The following PRIMA1 variants were observed in gnomAD, a reference collection of about 807,000 sequenced individuals.
PRIMA1 encodes proline rich membrane anchor 1.
Under a neutral mutation model 17.5 loss-of-function variants are expected in PRIMA1, and 7 were observed. The ratio of observed to expected loss-of-function variants is 0.40; its 90% confidence interval spans 0.23 to 0.75. The LOEUF is 0.75. PRIMA1 is among the 30% of genes least tolerant of loss of function. PRIMA1 has a pLI of 0.37. For synonymous variants in PRIMA1, 97 were observed against 77.9 expected (o/e 1.25, Z -1.29); for missense variants, 200 against 201.8 (o/e 0.99, Z 0.05).
At chr14:93,768,100 ATC>A (rs1166625460) in intron 3 of PRIMA1, among the ~76,000 whole-genome samples, 2 of 152,196 alleles carry the variant, frequency 1.3e-5, no homozygotes, top group Admixed American at 1.3e-4. Flanking sequence ...CAACAAAAAA[ATC>A]TCTTTTTAAA....
rs74076332 is a variant in PRIMA1 at position 93,748,669 on chromosome 14, T to C, written c.230-11299A>G. 2.1e-3 allele frequency among the ~76,000 whole-genome samples: 314 copies of C among 152,308 alleles called. 2 individuals carry two copies. The highest frequency in any genetic ancestry group is 7.3e-3 in the African/African-American group (302 of 41,564). ...CATCTATGGCTCCTTATCTGTAGCCTGTGCTCTGCGGGCCACTTGCTCCCC... is the reference window on the plus strand; with the variant it reads ...CATCTATGGCTCCTTATCTGTAGCCCGTGCTCTGCGGGCCACTTGCTCCCC... On this transcript the variant is annotated intron_variant, in intron 3 of 4. Coordinates refer to ENST00000393140, the MANE Select transcript of PRIMA1 (RefSeq NM_178013.4).
At chr14:93,749,766 G>A (rs540366473) in intron 3 of PRIMA1, among the ~76,000 whole-genome samples, 135 of 152,324 alleles carry the variant, frequency 8.9e-4, no homozygotes, top group African/African-American at 2.9e-3. Context: ...GATGAGGCTG[G>A]GTGCAGTGGC....
chr14:93,764,365 C>T (rs1884825456), intron 3 of PRIMA1, among the ~76,000 whole-genome samples: 1 of 150,632 alleles, frequency 6.6e-6, no homozygotes, highest in Non-Finnish European at 1.5e-5. Flanking sequence ...CCTGGTCGGA[C>T]ACCTCTCCTC....
At chr14:93,753,233 T>C (rs1595208162) in intron 3 of PRIMA1, among the ~76,000 whole-genome samples, 1 of 152,288 alleles carries the variant, frequency 6.6e-6, no homozygotes, top group East Asian at 1.9e-4. Context: ...ATTCTGAGAT[T>C]CCAAGCCAAC....
rs189076268 is a variant in PRIMA1, at chr14:93,719,066, G to A, written c.*2378C>T. 26 of 152,216 alleles carry A rather than the reference G, an allele frequency of 1.7e-4. No individual in the cohort carries two copies. In the East Asian group the frequency reaches 4.8e-3, roughly 28 times the overall value. The allele number at this position is 152,216 out of a possible 1,614,324, so 9.4% of individuals were successfully genotyped here. ...GAATGGGCGGTCTTGGGCTTGAGGT[G>A]GGGGGTGGATATTAAGTGAATCTTT... is the stretch of plus-strand genomic sequence containing the variant. On this transcript the variant is annotated 3_prime_UTR_variant, in exon 5 of 5. Coordinates refer to ENST00000393140, the MANE Select transcript of PRIMA1 (RefSeq NM_178013.4).
intron 3 of PRIMA1, among the ~76,000 whole-genome samples, chr14:93,758,071 C>T (rs866333682): frequency 1.3e-5 from 2 of 152,182 alleles, no homozygotes; most frequent in South Asian, 4.1e-4. Context: ...GCTGAAACCA[C>T]GCCCTGGCTC....
Position 93,779,198 on chromosome 14 carries a change from A to C in PRIMA1, c.207T>G (p.Pro69=). ...TACCTGGGGCGGAGAGGAGTCTGGGAGGTGGCGGGGGTGGGGGCGGCGGGG... is the reference window on the plus strand; with the variant it reads ...TACCTGGGGCGGAGAGGAGTCTGGGCGGTGGCGGGGGTGGGGGCGGCGGGG... ...PLPPPPPPPP[P]PRLLSAPAPN... The change falls in exon 3 of 5, where the codon CCT becomes CCG. Residue 69 remains proline (P), a synonymous_variant. Coordinates refer to ENST00000393140, the MANE Select transcript of PRIMA1 (RefSeq NM_178013.4). 2.0e-6 allele frequency: 1 copy of C among 507,268 alleles called. No individual in the cohort carries two copies. Among genetic ancestry groups the C allele is most frequent in the Non-Finnish European group, 2.4e-6 (1 of 421,908 alleles). The allele number at this position is 507,268 out of a possible 1,614,324, so 31.4% of individuals were successfully genotyped here.
At chr14:93,731,033 A>T (rs2076110721) in intron 4 of PRIMA1, among the ~76,000 whole-genome samples, 1 of 152,148 alleles carries the variant, frequency 6.6e-6, no homozygotes, top group African/African-American at 2.4e-5. Flanking sequence ...CCAGGACAAA[A>T]ATGGAACTGA....
At chr14:93,732,985 A>C (rs1464973913) in intron 4 of PRIMA1, among the ~76,000 whole-genome samples, 1 of 152,114 alleles carries the variant, frequency 6.6e-6, no homozygotes, top group African/African-American at 2.4e-5. Flanking sequence ...CCAGCACCCA[A>C]GGGCTCTGGG....
At chr14:93,737,194 T>G in intron 4 of PRIMA1, 47 bp downstream of exon 4, 1 of 1,606,638 alleles carries the variant, frequency 6.2e-7, no homozygotes, top group South Asian at 1.1e-5. Context: ...CAAGCCCAGC[T>G]GGGGTTCCCT....
intron 3 of PRIMA1, among the ~76,000 whole-genome samples, chr14:93,767,646 G>A (rs1387402879): frequency 1.3e-5 from 2 of 152,192 alleles, no homozygotes; most frequent in African/African-American, 2.4e-5. Flanking sequence ...GCCCAAAGGT[G>A]GAGACTTTTA....
At position 93,719,688 on chromosome 14, in the gene PRIMA1, G is replaced by A. The variant is rs764119563; in HGVS notation, c.*1756C>T. 2 of 152,494 alleles carry A rather than the reference G, an allele frequency of 1.3e-5. No homozygotes were observed. Among genetic ancestry groups the A allele is most frequent in the Non-Finnish European group, 2.9e-5 (2 of 68,284 alleles). 9.4% of individuals were successfully genotyped at this position (152,494 alleles called of 1,614,324 possible). A position where few individuals can be genotyped will look rare whatever the true frequency, so the allele number is the denominator to read the frequency against. ...ACACCCTCTGGCCTATTTGTCAGCT[G>A]GCTCCGCACCTCAAGAGCACTGTGA... is the stretch of plus-strand genomic sequence containing the variant. On this transcript the variant is annotated 3_prime_UTR_variant, in exon 5 of 5. Coordinates refer to ENST00000393140, the MANE Select transcript of PRIMA1 (RefSeq NM_178013.4).
intron 4 of PRIMA1, among the ~76,000 whole-genome samples, chr14:93,734,332 C>A (rs773071361): frequency 3.9e-5 from 6 of 152,176 alleles, no homozygotes; most frequent in Non-Finnish European, 7.3e-5. Flanking sequence ...TTGGGTTTGG[C>A]CAGTGTGAGG....
intron 3 of PRIMA1, among the ~76,000 whole-genome samples, chr14:93,765,591 T>C (rs908415556): frequency 2.2e-4 from 33 of 152,010 alleles, no homozygotes; most frequent in African/African-American, 7.5e-4. Context: ...GCAAAGCTCC[T>C]TTCTGAGGCC....
intron 3 of PRIMA1, among the ~76,000 whole-genome samples, chr14:93,772,176 G>A (rs1423687509): frequency 6.6e-6 from 1 of 152,210 alleles, no homozygotes; most frequent in East Asian, 1.9e-4. Context: ...AGTCCCATTT[G>A]TCTCTTTCTC....
intron 3 of PRIMA1, among the ~76,000 whole-genome samples, chr14:93,769,977 G>A (rs8021473): frequency 0.9 from 137,123 of 152,106 alleles, 62,490 homozygotes; most frequent in Non-Finnish European, 0.96. Context: ...AAGGAGAGGG[G>A]GCGCCAAGTG....
chr14:93,782,466 T>TC, intron 2 of PRIMA1, among the ~76,000 whole-genome samples: 1 of 151,692 alleles, frequency 6.6e-6, no homozygotes, highest in East Asian at 1.9e-4. Context: ...AAATTTTTTT[T>TC]TTTAATTAGC....
chr14:93,779,184 G>A lies in PRIMA1; in HGVS notation c.221C>T (p.Ser74Phe). 1 of 1,464,202 alleles carries A rather than the reference G, an allele frequency of 6.8e-7. No homozygotes were observed. The highest frequency in any genetic ancestry group is 9.0e-7 in the Non-Finnish European group (1 of 1,113,424). The allele number at this position is 1,464,202 out of a possible 1,614,324, so 90.7% of individuals were successfully genotyped here. ...PPPPPPPRLL[S>F]APAPNSTSCP... is the part of the protein sequence containing the mutation. The stretch of plus-strand genomic sequence containing the variant: ...AGTGAGCCATTACTTACCTGGGGCG[G>A]AGAGGAGTCTGGGAGGTGGCGGGGG... Residue 74 changes from serine to phenylalanine, a missense_variant, in exon 3 of 5, where the codon TCC (serine) becomes TTC (phenylalanine). Transcript: ENST00000393140.
intron 3 of PRIMA1, among the ~76,000 whole-genome samples, chr14:93,757,615 G>A (rs907643953): frequency 5.3e-5 from 8 of 152,182 alleles, no homozygotes; most frequent in Non-Finnish European, 1.0e-4. Context: ...TGAAGGCCAC[G>A]TGGTGACAGC....
Sources: allele counts gnomAD v4.1 joint callset (sites outside exome capture counted in the v4.1 genomes callset), GRCh38; gene constraint gnomAD v4.1.1; transcripts MANE v1.5; gene names NCBI Gene and HGNC (gene_info 2026-07-23, HGNC 2026-07-21).